Variants in RIMS2 observed in about 807,000 individuals in gnomAD.
The protein encoded by RIMS2 is regulating synaptic membrane exocytosis protein 2.
Under a neutral mutation model 174.4 loss-of-function variants are expected in RIMS2, and 59 were observed. The ratio of observed to expected loss-of-function variants is 0.34; its 90% CI spans 0.27 to 0.42. The LOEUF is 0.42. Ranked by LOEUF, RIMS2 falls within the 10% of genes least tolerant of loss-of-function variation. The pLI is 1.00. For missense variants in RIMS2, 1,620 were observed against 1,666.3 expected, an observed-to-expected ratio of 0.97 and a Z score of 0.48; for synonymous variants, 606 against 572.5, an observed-to-expected ratio of 1.06 and a Z score of -0.84.
intron 19 of RIMS2, among the ~76,000 whole-genome samples, chr8:104,217,585 C>A (rs2099136464): frequency 6.6e-6 from 1 of 152,062 alleles, no homozygotes; most frequent in South Asian, 2.1e-4. Context: ...TGTTTTTTGA[C>A]CTCATCAATT....
intron 1 of RIMS2, among the ~76,000 whole-genome samples, chr8:103,564,256 G>T (rs1253964053): frequency 1.3e-5 from 2 of 152,196 alleles, no homozygotes; most frequent in Non-Finnish European, 2.9e-5. Flanking sequence ...AACTCCATCA[G>T]ATTCTGTACC....
intron 3 of RIMS2, among the ~76,000 whole-genome samples, chr8:103,782,159 G>A (rs1183503626): frequency 6.7e-6 from 1 of 148,264 alleles, no homozygotes; most frequent in Non-Finnish European, 1.5e-5. Context: ...GTTTGAGTGT[G>A]TATTTTTATA....
chr8:103,659,363 T>C (rs567916654), intron 1 of RIMS2, among the ~76,000 whole-genome samples: 59 of 152,272 alleles, frequency 3.9e-4, no homozygotes, highest in African/African-American at 1.3e-3. Flanking sequence ...AGAACACCTG[T>C]GTACTACCTT....
At chr8:103,587,785 A>G (rs576419029) in intron 1 of RIMS2, among the ~76,000 whole-genome samples, 33 of 152,258 alleles carry the variant, frequency 2.2e-4, no homozygotes, top group Admixed American at 1.8e-3. Flanking sequence ...CACATATGAC[A>G]GACCCACAGC....
chr8:103,694,296 T>C (rs2097070236), intron 1 of RIMS2, among the ~76,000 whole-genome samples: 1 of 152,136 alleles, frequency 6.6e-6, no homozygotes, highest in Non-Finnish European at 1.5e-5. Flanking sequence ...ACTGAGCTGG[T>C]CTGAAACCTG....
At chr8:104,244,832 T>A in intron 19 of RIMS2, 84 bp from the exon 26 acceptor site, 1 of 1,057,780 alleles carries the variant, frequency 9.5e-7, no homozygotes, top group Non-Finnish European at 1.4e-6. Flanking sequence ...GTTCTTTGCA[T>A]CTGATGATCT....
At chr8:104,223,639 G>T in intron 19 of RIMS2, 2 of 1,586,666 alleles carry the variant, frequency 1.3e-6, no homozygotes, top group Non-Finnish European at 1.7e-6. Flanking sequence ...GGAAAAGCGG[G>T]TCCTCGTCCA....
intron 3 of RIMS2, among the ~76,000 whole-genome samples, chr8:103,860,913 T>C (rs2099055184): frequency 6.6e-6 from 1 of 152,180 alleles, no homozygotes; most frequent in South Asian, 2.1e-4. Context: ...CAGCATAACT[T>C]AAGCAATTGT....
At chr8:104,073,232 T>G (rs1419768950) in intron 19 of RIMS2, among the ~76,000 whole-genome samples, 1 of 152,192 alleles carries the variant, frequency 6.6e-6, no homozygotes, top group Non-Finnish European at 1.5e-5. Context: ...TATTTATACA[T>G]GGAAATTAAT....
At chr8:103,934,310 A>T (rs1170982217) in intron 12 of RIMS2, among the ~76,000 whole-genome samples, 1 of 152,138 alleles carries the variant, frequency 6.6e-6, no homozygotes, top group Non-Finnish European at 1.5e-5. Flanking sequence ...TTTTATTTTA[A>T]AATGATCTCT....
At chr8:103,828,687 T>A (rs1321955618) in intron 3 of RIMS2, among the ~76,000 whole-genome samples, 1 of 149,328 alleles carries the variant, frequency 6.7e-6, no homozygotes, top group Non-Finnish European at 1.5e-5. Context: ...ATTTTTTTTT[T>A]ATAGTCTTGG....
intron 3 of RIMS2, among the ~76,000 whole-genome samples, chr8:103,840,221 A>AAAT (rs536264499): frequency 1.2e-4 from 19 of 152,278 alleles, no homozygotes; most frequent in African/African-American, 4.6e-4. Context: ...ATACCCTATC[A>AAAT]AGCAAGAGCT....
intron 19 of RIMS2, among the ~76,000 whole-genome samples, chr8:104,113,691 A>T (rs992413814): frequency 6.6e-5 from 10 of 151,618 alleles, no homozygotes; most frequent in Non-Finnish European, 1.5e-4. Context: ...TATATATATC[A>T]TATATATACA....
At chr8:104,071,377 TGTCTGGG>T (rs1370179931) in intron 19 of RIMS2, among the ~76,000 whole-genome samples, 3 of 152,158 alleles carry the variant, frequency 2.0e-5, no homozygotes, top group Non-Finnish European at 4.4e-5. Flanking sequence ...GAAATGCAAT[TGTCTGGG>T]GCCCCTTCAG....
chr8:103,712,362 A>G (rs1339760319), intron 2 of RIMS2, among the ~76,000 whole-genome samples: 1 of 151,936 alleles, frequency 6.6e-6, no homozygotes, highest in East Asian at 1.9e-4. Flanking sequence ...GGTTTTAGAG[A>G]TTTATTTTAG....
At chr8:104,079,597 T>TTATATATA in intron 19 of RIMS2, among the ~76,000 whole-genome samples, 1 of 51,716 alleles carries the variant, frequency 1.9e-5, no homozygotes, top group African/African-American at 6.8e-5. Flanking sequence ...GGATTAAGCA[T>TTATATATA]GATATATATA....
chr8:104,118,259 A>T (rs2132150731), intron 19 of RIMS2, among the ~76,000 whole-genome samples: 1 of 152,230 alleles, frequency 6.6e-6, no homozygotes, highest in Non-Finnish European at 1.5e-5. Context: ...GAAGTATATA[A>T]GAATTTCTTA....
chr8:103,915,143 A>T (rs890135203), intron 6 of RIMS2, among the ~76,000 whole-genome samples: 1 of 152,068 alleles, frequency 6.6e-6, no homozygotes, highest in Non-Finnish European at 1.5e-5. Flanking sequence ...TTACATCTAT[A>T]ACTAGAAATG....
At chr8:104,099,452 G>C (rs138835700) in intron 19 of RIMS2, among the ~76,000 whole-genome samples, 2 of 152,220 alleles carry the variant, frequency 1.3e-5, no homozygotes, top group African/African-American at 4.8e-5. Context: ...CTTCTACTCT[G>C]TTTTATGATT....
Sources: gnomAD v4.1 joint callset for allele counts (sites outside exome capture counted in the v4.1 genomes callset) on GRCh38, gnomAD v4.1.1 for gene constraint, MANE v1.5 for transcripts, NCBI Gene and HGNC (gene_info 2026-07-23, HGNC 2026-07-21) for gene names.